The following PHACTR4 variants were observed in gnomAD, a reference collection of about 807,000 sequenced individuals.
PHACTR4 encodes the protein phosphatase and actin regulator 4.
Under a neutral mutation model 72.7 loss-of-function variants are expected in PHACTR4, and 51 were observed. The ratio of observed to expected loss-of-function variants is 0.70; its 90% CI spans 0.56 to 0.89. The LOEUF is 0.89. PHACTR4 is among the 40% of genes least tolerant of loss of function. The pLI is 0.00. For synonymous variants in PHACTR4, 255 were observed against 302.5 expected (o/e 0.84, Z 1.63); for missense variants, 731 against 861.8 (o/e 0.85, Z 1.90).
At chr1:28,418,438 G>A (rs1393876320) in intron 2 of PHACTR4, among the ~76,000 whole-genome samples, 2 of 151,846 alleles carry the variant, frequency 1.3e-5, no homozygotes, top group African/African-American at 2.4e-5. Context: ...TCAAGATTGC[G>A]CCACTGCACT....
In PHACTR4 at chr1:28,480,413, C is replaced by T. The variant is rs780724568; in HGVS notation, c.1607-38C>T. 51 of 1,609,812 alleles carry T rather than the reference C, an allele frequency of 3.2e-5. 1 individual carries two copies. The South Asian group carries it at 4.4e-4, about 14-fold the overall frequency. ...GTAAGGTTGAACCTTTGGCTTTAAG[C>T]CTCAAGTTCTACATTTTTTTCTTCC... On this transcript the variant is annotated intron_variant, in intron 8 of 13. Transcript: ENST00000373839.
chr1:28,401,173 G>T (rs1311020767), intron 1 of PHACTR4, among the ~76,000 whole-genome samples: 1 of 152,086 alleles, frequency 6.6e-6, no homozygotes, highest in Non-Finnish European at 1.5e-5. Flanking sequence ...GAAGTACCTG[G>T]TAGGAAAGGG....
At chr1:28,438,309 TG>T in intron 2 of PHACTR4, 1 of 1,573,058 alleles carries the variant, frequency 6.4e-7, no homozygotes, top group Non-Finnish European at 8.6e-7. Flanking sequence ...CCTCTTTATG[TG>T]GATTTATCTT....
chr1:28,491,301 A>AT (rs1432440505), intron 11 of PHACTR4, among the ~76,000 whole-genome samples: 1 of 151,906 alleles, frequency 6.6e-6, no homozygotes, highest in African/African-American at 2.4e-5. Flanking sequence ...TACAAAAAAA[A>AT]ATATATATTA....
At chr1:28,481,696 C>T (rs573714599) in intron 9 of PHACTR4, among the ~76,000 whole-genome samples, 4 of 150,718 alleles carry the variant, frequency 2.7e-5, no homozygotes, top group African/African-American at 9.7e-5. Context: ...AGGCTGAGAT[C>T]GGAGAATTGC....
intron 1 of PHACTR4, among the ~76,000 whole-genome samples, chr1:28,380,776 G>C (rs971058675): frequency 1.3e-5 from 2 of 151,970 alleles, no homozygotes; most frequent in African/African-American, 4.8e-5. Context: ...CCGTGTCTTT[G>C]CTGTTGTGAA....
chr1:28,422,891 A>G (rs766160593), intron 2 of PHACTR4, among the ~76,000 whole-genome samples: 4 of 152,136 alleles, frequency 2.6e-5, no homozygotes, highest in African/African-American at 4.8e-5. Context: ...GGTTCAAGCA[A>G]TTCTCCTGCC....
intron 1 of PHACTR4, among the ~76,000 whole-genome samples, chr1:28,380,302 C>T (rs1188175638): frequency 9.9e-5 from 15 of 151,734 alleles, no homozygotes; most frequent in South Asian, 6.3e-4. Flanking sequence ...GTGATCCGCC[C>T]GCCTCGGCCT....
intron 2 of PHACTR4, among the ~76,000 whole-genome samples, chr1:28,440,128 C>T (rs531161698): frequency 1.3e-5 from 2 of 151,606 alleles, no homozygotes; most frequent in South Asian, 2.1e-4. Context: ...GGTGAAACCC[C>T]GTCTCTACTA....
intron 4 of PHACTR4, among the ~76,000 whole-genome samples, chr1:28,461,013 TTAA>T (rs1658765848): frequency 6.6e-6 from 1 of 152,194 alleles, no homozygotes; most frequent in Non-Finnish European, 1.5e-5. Context: ...CATTGTTTGT[TTAA>T]TAATGTCAAG....
At position 28,464,262 on chromosome 1, in the gene PHACTR4, G is replaced by A. The variant is rs562864442; in HGVS notation, c.272-1423G>A. On this transcript the variant is annotated intron_variant, in intron 4 of 13. Coordinates refer to ENST00000373839, the MANE Select transcript of PHACTR4 (RefSeq NM_001048183.3). ...ATTACAGGCGTGAGCCACTACACCC[G>A]GCCCCCCATAACCATTTCTTATGTG... is the stretch of plus-strand genomic sequence containing the variant. Among the ~76,000 whole-genome samples, 43 of 152,164 alleles carry A rather than the reference G, an allele frequency of 2.8e-4. No individual in the cohort carries two copies. In the South Asian group the frequency reaches 7.7e-3, roughly 27 times the overall value.
intron 1 of PHACTR4, among the ~76,000 whole-genome samples, chr1:28,381,393 G>A (rs923589098): frequency 6.6e-6 from 1 of 150,550 alleles, no homozygotes; most frequent in African/African-American, 2.5e-5. Context: ...CCGCCTCCCG[G>A]GTTCAAGCGA....
chr1:28,385,456 A>T (rs1408112423), intron 1 of PHACTR4, among the ~76,000 whole-genome samples: 1 of 149,536 alleles, frequency 6.7e-6, no homozygotes, highest in Non-Finnish European at 1.5e-5. Flanking sequence ...AGACAGGAGA[A>T]TTGCTTGAAC....
chr1:28,491,502 T>C, intron 11 of PHACTR4, 148 bp from the exon 12 acceptor site: 1 of 1,045,032 alleles, frequency 9.6e-7, no homozygotes, highest in Admixed American at 2.3e-5. Context: ...CCATAATCAC[T>C]GGGGGTGGGA....
chr1:28,397,765 G>A (rs574156474), intron 1 of PHACTR4, among the ~76,000 whole-genome samples: 3 of 149,602 alleles, frequency 2.0e-5, no homozygotes, highest in Middle Eastern at 3.2e-3. Context: ...GCGCAGTCTC[G>A]GCTCACTGCA....
At chr1:28,486,145 T>C (rs920944369) in intron 9 of PHACTR4, among the ~76,000 whole-genome samples, 1 of 151,800 alleles carries the variant, frequency 6.6e-6, no homozygotes, top group Non-Finnish European at 1.5e-5. Context: ...TCACCTGAGG[T>C]TGGGAGTTCG....
chr1:28,476,045 T>C, intron 7 of PHACTR4, 62 bp from the exon 8 acceptor site: 1 of 1,484,462 alleles, frequency 6.7e-7, no homozygotes, highest in African/African-American at 1.4e-5. Flanking sequence ...CAGTCCTTTG[T>C]CTTAAAAGTC....
intron 2 of PHACTR4, among the ~76,000 whole-genome samples, chr1:28,414,484 T>A (rs927167876): frequency 5.1e-4 from 73 of 143,054 alleles, no homozygotes; most frequent in Non-Finnish European, 6.0e-5. Flanking sequence ...CTCAAACAAT[T>A]CTCCCACCTC....
intron 12 of PHACTR4, among the ~76,000 whole-genome samples, chr1:28,492,288 T>G (rs917227170): frequency 3.5e-5 from 5 of 142,828 alleles, no homozygotes; most frequent in Non-Finnish European, 7.6e-5. Context: ...AATACAAAAA[T>G]TAGCTGGGTG....
Sources: gnomAD v4.1 joint callset for allele counts (sites outside exome capture counted in the v4.1 genomes callset) on GRCh38, gnomAD v4.1.1 for gene constraint, MANE v1.5 for transcripts, NCBI Gene and HGNC (gene_info 2026-07-23, HGNC 2026-07-21) for gene names.